DPP10: variants seen among roughly 807,000 people sequenced by gnomAD.
DPP10 encodes the protein inactive dipeptidyl peptidase 10.
Under a neutral mutation model 120.9 loss-of-function variants are expected in DPP10, and 33 were observed. That is an observed-to-expected ratio of 0.27 (90% CI 0.21 to 0.37). DPP10 has a LOEUF of 0.37. DPP10 is among the 10% of genes least tolerant of loss of function. DPP10 has a pLI of 1.00. For synonymous variants in DPP10, 337 were observed against 326.1 expected (o/e 1.03, Z -0.36); for missense variants, 816 against 942.8 (o/e 0.87, Z 1.76).
At chr2:115,634,682 C>T (rs2086173002) in intron 5 of DPP10, among the ~76,000 whole-genome samples, 1 of 152,130 alleles carries the variant, frequency 6.6e-6, no homozygotes, top group South Asian at 2.1e-4. Context: ...GGGTTCTCCT[C>T]CAGTCAGGAG....
chr2:115,376,108 C>A (rs2065774126), intron 3 of DPP10, among the ~76,000 whole-genome samples: 1 of 151,938 alleles, frequency 6.6e-6, no homozygotes, highest in South Asian at 2.1e-4. Flanking sequence ...CTTGGTGGAG[C>A]TATAGATGGA....
intron 1 of DPP10, among the ~76,000 whole-genome samples, chr2:114,663,655 A>ATATATG (rs1216661062): frequency 7.7e-5 from 9 of 117,464 alleles, no homozygotes; most frequent in African/African-American, 2.9e-4. Flanking sequence ...ATATATATAT[A>ATATATG]TATATATATA....
At chr2:115,616,191 G>C (rs1194862328) in intron 5 of DPP10, among the ~76,000 whole-genome samples, 2 of 152,042 alleles carry the variant, frequency 1.3e-5, no homozygotes, top group Non-Finnish European at 2.9e-5. Flanking sequence ...TGTAGAGAAT[G>C]GGGATGGATA....
chr2:114,642,584 G>A (rs545825623), intron 1 of DPP10, among the ~76,000 whole-genome samples: 1 of 151,956 alleles, frequency 6.6e-6, no homozygotes, highest in African/African-American at 2.4e-5. Flanking sequence ...GTGCCCCCAG[G>A]CCATAGGCAT....
intron 1 of DPP10, among the ~76,000 whole-genome samples, chr2:114,715,874 TTATGA>T (rs1454363244): frequency 4.6e-5 from 7 of 151,988 alleles, no homozygotes; most frequent in Non-Finnish European, 1.0e-4. Flanking sequence ...GTACTTTGTC[TTATGA>T]TATGATCAAG....
intron 1 of DPP10, among the ~76,000 whole-genome samples, chr2:114,614,548 A>G (rs1693534811): frequency 6.6e-6 from 1 of 152,096 alleles, no homozygotes; most frequent in Admixed American, 6.6e-5. Context: ...CATCTAATTA[A>G]CCTTTAATTG....
chr2:114,920,001 TC>T (rs1440536957), intron 1 of DPP10, among the ~76,000 whole-genome samples: 4 of 152,258 alleles, frequency 2.6e-5, no homozygotes, highest in Admixed American at 1.3e-4. Context: ...CTGCAGTGAC[TC>T]CTCTTATTTA....
intron 5 of DPP10, among the ~76,000 whole-genome samples, chr2:115,606,833 C>A (rs891767005): frequency 2.6e-5 from 4 of 152,130 alleles, no homozygotes; most frequent in Non-Finnish European, 4.4e-5. Context: ...TATTTTCTTA[C>A]CCATAACAAT....
At chr2:115,393,463 A>G (rs2067461663) in intron 3 of DPP10, among the ~76,000 whole-genome samples, 1 of 152,224 alleles carries the variant, frequency 6.6e-6, no homozygotes, top group African/African-American at 2.4e-5. Context: ...GCCACCTTCC[A>G]CTTCTGCAGA....
chr2:114,752,772 C>G (rs571320967), intron 1 of DPP10, among the ~76,000 whole-genome samples: 1 of 152,308 alleles, frequency 6.6e-6, no homozygotes, highest in African/African-American at 2.4e-5. Context: ...TTGAATGACA[C>G]CCCTGTTTTA....
intron 1 of DPP10, among the ~76,000 whole-genome samples, chr2:114,623,718 A>G (rs1408753934): frequency 6.6e-6 from 1 of 152,138 alleles, no homozygotes; most frequent in African/African-American, 2.4e-5. Context: ...CAAAGTATAA[A>G]TCTATTCAAA....
intron 3 of DPP10, among the ~76,000 whole-genome samples, chr2:115,380,175 G>A (rs1383115556): frequency 6.6e-6 from 1 of 152,144 alleles, no homozygotes; most frequent in African/African-American, 2.4e-5. Context: ...CATTATTAAT[G>A]TGTGGGAGTC....
chr2:114,835,277 G>GA (rs1481810696), intron 1 of DPP10: 5 of 127,750 alleles, frequency 3.9e-5, no homozygotes, highest in Non-Finnish European at 9.0e-5. Context: ...ATATATATAG[G>GA]CCATATCTAC....
intron 10 of DPP10, among the ~76,000 whole-genome samples, chr2:115,748,229 G>A (rs1394914703): frequency 1.4e-5 from 2 of 145,962 alleles, no homozygotes; most frequent in Non-Finnish European, 3.0e-5. Flanking sequence ...ATGTTTATGG[G>A]TTTTTTTTTT....
chr2:115,275,485 T>C (rs1401300372), intron 1 of DPP10, among the ~76,000 whole-genome samples: 1 of 152,182 alleles, frequency 6.6e-6, no homozygotes, highest in Admixed American at 6.5e-5. Context: ...ATATTTCATA[T>C]ATGACAAAAC....
intron 1 of DPP10, among the ~76,000 whole-genome samples, chr2:114,832,967 G>C (rs1306855996): frequency 6.6e-6 from 1 of 152,074 alleles, no homozygotes; most frequent in Non-Finnish European, 1.5e-5. Context: ...TGTATACAGA[G>C]ACAAGCAGTG....
At chr2:115,647,665 G>A (rs1390699551) in intron 5 of DPP10, among the ~76,000 whole-genome samples, 2 of 152,076 alleles carry the variant, frequency 1.3e-5, no homozygotes, top group East Asian at 1.9e-4. Context: ...ATTTTTCACA[G>A]TTCTGGGGGC....
At chr2:115,739,186 A>T (rs1676955665) in intron 8 of DPP10, among the ~76,000 whole-genome samples, 1 of 152,134 alleles carries the variant, frequency 6.6e-6, no homozygotes. Context: ...GCCAGAGGAC[A>T]TGGGGGCCAT....
At chr2:115,812,903 C>T (rs1686796709) in intron 19 of DPP10, among the ~76,000 whole-genome samples, 1 of 149,602 alleles carries the variant, frequency 6.7e-6, no homozygotes. Context: ...GCTTAGACCA[C>T]AGAAGGCATT....
Sources: gnomAD v4.1 joint callset for allele counts (sites outside exome capture counted in the v4.1 genomes callset) on GRCh38, gnomAD v4.1.1 for gene constraint, MANE v1.5 for transcripts, NCBI Gene and HGNC (gene_info 2026-07-23, HGNC 2026-07-21) for gene names.